The following MTHFD2L variants were observed in gnomAD, a reference collection of about 807,000 sequenced individuals.
The protein encoded by MTHFD2L is bifunctional methylenetetrahydrofolate dehydrogenase/cyclohydrolase 2, mitochondrial.
Under a neutral mutation model 34.9 loss-of-function variants are expected in MTHFD2L, and 29 were observed. The observed-to-expected ratio is 0.83, with a 90% CI of 0.62 to 1.13. The LOEUF is 1.13. Ranked by LOEUF, MTHFD2L falls within the 50% of genes most tolerant of loss-of-function variation. MTHFD2L has a pLI of 0.00. For missense variants in MTHFD2L, 481 were observed against 446.5 expected (o/e 1.08, Z -0.70); for synonymous variants, 167 against 155.7 (o/e 1.07, Z -0.54).
chr4:74,152,066 G>A (rs1331118497), intron 1 of MTHFD2L, among the ~76,000 whole-genome samples: 1 of 152,004 alleles, frequency 6.6e-6, no homozygotes, highest in African/African-American at 2.4e-5. Flanking sequence ...TTATCGTTTA[G>A]TTGTGGTAAA....
chr4:74,266,901 C>G, intron 6 of MTHFD2L: 1 of 985,230 alleles, frequency 1.0e-6, no homozygotes, highest in South Asian at 4.7e-5. Context: ...TATCAGGCCT[C>G]ATTTCTTTGT....
chr4:74,171,827 T>G (rs1378218536), intron 1 of MTHFD2L, among the ~76,000 whole-genome samples: 1 of 152,178 alleles, frequency 6.6e-6, no homozygotes, highest in African/African-American at 2.4e-5. Context: ...AAAGCATATG[T>G]GTACAAAATA....
At chr4:74,180,229 A>G (rs1440392470) in intron 3 of MTHFD2L, among the ~76,000 whole-genome samples, 2 of 152,132 alleles carry the variant, frequency 1.3e-5, no homozygotes. Flanking sequence ...ATCAGCCTTC[A>G]TGTTTTACAG....
chr4:74,140,852 G>A (rs1026787672), intron 1 of MTHFD2L, among the ~76,000 whole-genome samples: 4 of 152,174 alleles, frequency 2.6e-5, no homozygotes, highest in Admixed American at 2.0e-4. Flanking sequence ...ACAGGATGGG[G>A]TAAACTGCCC....
chr4:74,273,558 C>T (rs762550654), intron 6 of MTHFD2L, among the ~76,000 whole-genome samples: 20 of 152,118 alleles, frequency 1.3e-4, no homozygotes, highest in Non-Finnish European at 2.4e-4. Flanking sequence ...TTCTAAGGCA[C>T]CTCTCAAATG....
chr4:74,220,743 A>G (rs1043765095), intron 5 of MTHFD2L, among the ~76,000 whole-genome samples: 1 of 151,576 alleles, frequency 6.6e-6, no homozygotes, highest in African/African-American at 2.4e-5. Context: ...GTTATATATG[A>G]AAGCTATTTA....
In MTHFD2L at chr4:74,194,538, C is replaced by T. The variant is rs1487228301; in HGVS notation, c.452-5256C>T. ...AAGAAGTTTAGTCCAATATAAGCTA[C>T]TTCACAATCACTAGAAACTGAACCT... On this transcript the variant is annotated intron_variant, in intron 3 of 7. Transcript: ENST00000325278. 1.3e-5 allele frequency: 2 copies of T among 152,154 alleles called. 1 individual carries two copies. Among genetic ancestry groups the T allele is most frequent in the Admixed American group, 1.3e-4 (2 of 15,262 alleles). The allele number at this position is 152,154 out of a possible 1,614,324, so 9.4% of individuals were successfully genotyped here.
intron 6 of MTHFD2L, among the ~76,000 whole-genome samples, chr4:74,270,664 A>G (rs1745857884): frequency 6.6e-6 from 1 of 152,226 alleles, no homozygotes; most frequent in Admixed American, 6.5e-5. Context: ...AGCATGATTT[A>G]TAATCCTTTG....
intron 4 of MTHFD2L, 71 bp from the exon 5 acceptor site, chr4:74,201,192 G>A (rs1422578917): frequency 2.7e-6 from 3 of 1,095,750 alleles, no homozygotes; most frequent in Non-Finnish European, 4.0e-6. Context: ...GAATGTTTCA[G>A]TTGGCTGTAC....
At chr4:74,162,501 CCCA>C (rs1725668867) in intron 1 of MTHFD2L, among the ~76,000 whole-genome samples, 3 of 147,620 alleles carry the variant, frequency 2.0e-5, no homozygotes. Flanking sequence ...ATGTTCTCTC[CCCA>C]CTTTTTTTTT....
At chr4:74,218,384 G>A (rs946271855) in intron 5 of MTHFD2L, among the ~76,000 whole-genome samples, 1 of 151,934 alleles carries the variant, frequency 6.6e-6, no homozygotes, top group African/African-American at 2.4e-5. Flanking sequence ...CATTCCATAG[G>A]GTCTGGTTTT....
intron 1 of MTHFD2L, among the ~76,000 whole-genome samples, chr4:74,133,644 C>T (rs972352118): frequency 1.3e-5 from 2 of 152,080 alleles, no homozygotes; most frequent in African/African-American, 4.8e-5. Context: ...TTCTCCGTTC[C>T]AAGATTTCTG....
At chr4:74,242,756 G>T (rs1741902293) in intron 6 of MTHFD2L, among the ~76,000 whole-genome samples, 1 of 152,118 alleles carries the variant, frequency 6.6e-6, no homozygotes, top group Admixed American at 6.5e-5. Flanking sequence ...GAAAGAGTGG[G>T]CATCAGCCTT....
chr4:74,176,011 C>T (rs982865735), intron 3 of MTHFD2L, among the ~76,000 whole-genome samples: 1 of 151,958 alleles, frequency 6.6e-6, no homozygotes, highest in Non-Finnish European at 1.5e-5. Flanking sequence ...TAGATTAGCT[C>T]CCAGTATTTT....
intron 6 of MTHFD2L, among the ~76,000 whole-genome samples, chr4:74,231,385 G>C (rs1293343528): frequency 6.6e-6 from 1 of 152,098 alleles, no homozygotes; most frequent in Admixed American, 6.6e-5. Flanking sequence ...CAAGGAAATA[G>C]CTCCACCATC....
chr4:74,137,159 A>C (rs1437156274), intron 1 of MTHFD2L, among the ~76,000 whole-genome samples: 13 of 152,206 alleles, frequency 8.5e-5, no homozygotes, highest in Admixed American at 8.5e-4. Context: ...CAAAGGAAAC[A>C]ATCAACAGAG....
At chr4:74,290,694 C>T (rs905599598) in intron 7 of MTHFD2L, among the ~76,000 whole-genome samples, 1 of 151,894 alleles carries the variant, frequency 6.6e-6, no homozygotes, top group African/African-American at 2.4e-5. Flanking sequence ...CGTTTTCTCT[C>T]CATTCCCACG....
At chr4:74,282,869 T>C (rs1747686199) in intron 7 of MTHFD2L, among the ~76,000 whole-genome samples, 1 of 152,152 alleles carries the variant, frequency 6.6e-6, no homozygotes, top group Non-Finnish European at 1.5e-5. Context: ...GTGTGTTGTG[T>C]ACATGCTGAA....
intron 6 of MTHFD2L, among the ~76,000 whole-genome samples, chr4:74,244,004 T>C (rs369442322): frequency 3.6e-4 from 55 of 152,344 alleles, no homozygotes; most frequent in African/African-American, 1.3e-3. Flanking sequence ...ACTGTTGTTA[T>C]GTGATTATTA....
Sources: allele counts gnomAD v4.1 joint callset (sites outside exome capture counted in the v4.1 genomes callset), GRCh38; gene constraint gnomAD v4.1.1; transcripts MANE v1.5; gene names NCBI Gene and HGNC (gene_info 2026-07-23, HGNC 2026-07-21).